FTO: variants seen among roughly 807,000 people sequenced by gnomAD.
The protein encoded by FTO is FTO alpha-ketoglutarate dependent dioxygenase.
A neutral mutation model predicts 63.9 loss-of-function variants in FTO; 47 were observed. The observed-to-expected ratio is 0.74, with a 90% CI of 0.58 to 0.94. The LOEUF (loss-of-function observed/expected upper bound fraction) is 0.94, where lower values mean the gene tolerates loss of function less well. FTO is among the 40% of genes least tolerant of loss of function. The probability of loss-of-function intolerance (pLI) is 0.00; values close to 1 mark genes in which losing one functional copy is unlikely to be tolerated. For synonymous variants in FTO, 207 were observed against 224.4 expected (o/e 0.92, Z 0.69); for missense variants, 562 against 618.1 (o/e 0.91, Z 0.96).
rs2086944497 is a variant in FTO at position 54,113,988 on chromosome 16, A to G, written c.*2073A>G. ...ACGCCCAGCTAATTTTTGTATTTTT[A>G]GCAGAGATGGGGTTTCACCACATTG... is the stretch of plus-strand genomic sequence containing the variant. On this transcript the variant is annotated 3_prime_UTR_variant, in exon 9 of 9. Coordinates refer to ENST00000471389, the MANE Select transcript of FTO (RefSeq NM_001080432.3). The G allele has an allele frequency of 2.0e-5, 3 of 151,998 alleles. No individual in the cohort carries two copies. The highest frequency in any genetic ancestry group is 2.0e-4 in the Admixed American group (3 of 15,260). The allele number at this position is 151,998 out of a possible 1,614,324, so 9.4% of individuals were successfully genotyped here.
At chr16:53,933,941 A>T (rs1481644524) in intron 7 of FTO, 44 bp from the exon 8 acceptor site, 3 of 1,595,484 alleles carry the variant, frequency 1.9e-6, no homozygotes, top group Non-Finnish European at 8.6e-7. Flanking sequence ...TTTTATTATT[A>T]ATTTTTCACT....
At chr16:53,724,473 G>C (rs945889362) in intron 1 of FTO, among the ~76,000 whole-genome samples, 15 of 152,208 alleles carry the variant, frequency 9.9e-5, no homozygotes, top group Non-Finnish European at 4.4e-5. Flanking sequence ...ACTAAATACT[G>C]TCTCTGATGG....
intron 8 of FTO, among the ~76,000 whole-genome samples, chr16:54,021,779 C>T (rs551914294): frequency 3.7e-4 from 57 of 152,152 alleles, no homozygotes; most frequent in African/African-American, 1.3e-3. Context: ...TGAGCCACCG[C>T]GCCTGGCTTG....
intron 4 of FTO, among the ~76,000 whole-genome samples, chr16:53,860,133 A>G (rs1441403565): frequency 6.6e-6 from 1 of 152,030 alleles, no homozygotes; most frequent in Non-Finnish European, 1.5e-5. Context: ...ACACATAATG[A>G]AATATTACTC....
chr16:53,934,171 G>A, intron 8 of FTO, 62 bp downstream of exon 8: 3 of 1,585,334 alleles, frequency 1.9e-6, no homozygotes, highest in Non-Finnish European at 2.6e-6. Flanking sequence ...ATTTGGCCAA[G>A]CCCTTCCTTA....
intron 8 of FTO, among the ~76,000 whole-genome samples, chr16:54,024,539 T>C (rs2084673406): frequency 6.6e-6 from 1 of 152,152 alleles, no homozygotes; most frequent in African/African-American, 2.4e-5. Context: ...TGGCTGGTTT[T>C]ATGTTAGTTT....
intron 1 of FTO, among the ~76,000 whole-genome samples, chr16:53,752,607 T>C (rs892689364): frequency 6.6e-6 from 1 of 152,214 alleles, no homozygotes; most frequent in Non-Finnish European, 1.5e-5. Flanking sequence ...GCATATCTTT[T>C]TGCATACTTC....
chr16:53,912,316 T>A (rs139892594), intron 7 of FTO, among the ~76,000 whole-genome samples: 465 of 152,340 alleles, frequency 3.1e-3, no homozygotes, highest in Non-Finnish European at 5.0e-3. Context: ...TGCTAATCAC[T>A]TGCTGGTATC....
At chr16:53,725,337 G>A (rs1171046255) in intron 1 of FTO, among the ~76,000 whole-genome samples, 1 of 152,204 alleles carries the variant, frequency 6.6e-6, no homozygotes, top group African/African-American at 2.4e-5. Context: ...GCTGGAAAGA[G>A]AAGTCACTTC....
intron 8 of FTO, among the ~76,000 whole-genome samples, chr16:53,939,782 C>T (rs2082484113): frequency 6.6e-6 from 1 of 152,158 alleles, no homozygotes; most frequent in African/African-American, 2.4e-5. Context: ...CATGTTATAG[C>T]ATATAAGTAC....
chr16:53,908,672 G>C (rs570893628), intron 7 of FTO, among the ~76,000 whole-genome samples: 11 of 152,316 alleles, frequency 7.2e-5, no homozygotes, highest in African/African-American at 2.6e-4. Flanking sequence ...AATGTGGACA[G>C]TGGGTTTGGA....
At chr16:53,757,111 C>T (rs548392989) in intron 1 of FTO, among the ~76,000 whole-genome samples, 33 of 151,980 alleles carry the variant, frequency 2.2e-4, no homozygotes, top group African/African-American at 5.1e-4. Flanking sequence ...TTTAAAAATA[C>T]GACAAAAATT....
intron 1 of FTO, among the ~76,000 whole-genome samples, chr16:53,771,330 A>G (rs1438396653): frequency 6.6e-6 from 1 of 152,176 alleles, no homozygotes; most frequent in African/African-American, 2.4e-5. Flanking sequence ...CATTTCACCC[A>G]TCAGCAAATT....
intron 8 of FTO, among the ~76,000 whole-genome samples, chr16:54,016,145 C>A (rs1168411244): frequency 1.3e-5 from 2 of 152,112 alleles, no homozygotes; most frequent in African/African-American, 2.4e-5. Flanking sequence ...AGTAACACTT[C>A]CCAAATGTTA....
intron 8 of FTO, among the ~76,000 whole-genome samples, chr16:53,957,176 A>C (rs1599085054): frequency 6.6e-6 from 1 of 152,182 alleles, no homozygotes; most frequent in South Asian, 2.1e-4. Context: ...CATTTCTGAC[A>C]GACGTGTAAA....
At chr16:53,999,564 C>T (rs2084020895) in intron 8 of FTO, 1 of 152,172 alleles carries the variant, frequency 6.6e-6, no homozygotes, top group Non-Finnish European at 1.5e-5. Context: ...TGGTGGGTTT[C>T]TCAGAATGTG....
intron 8 of FTO, among the ~76,000 whole-genome samples, chr16:54,080,953 C>T (rs1029101173): frequency 6.6e-6 from 1 of 152,190 alleles, no homozygotes; most frequent in South Asian, 2.1e-4. Flanking sequence ...CCTGTTAAGG[C>T]AGGATGTAGT....
intron 8 of FTO, among the ~76,000 whole-genome samples, chr16:54,062,594 T>C (rs2085608375): frequency 6.6e-6 from 1 of 152,056 alleles, no homozygotes; most frequent in Non-Finnish European, 1.5e-5. Context: ...TCTGAACCCA[T>C]CATTAGCCAG....
chr16:53,938,671 T>G (rs930778450), intron 8 of FTO, among the ~76,000 whole-genome samples: 3 of 152,214 alleles, frequency 2.0e-5, no homozygotes, highest in Non-Finnish European at 4.4e-5. Flanking sequence ...AGAAAGAGGC[T>G]GTGGAAGGCA....
Sources: allele counts gnomAD v4.1 joint callset (sites outside exome capture counted in the v4.1 genomes callset), GRCh38; gene constraint gnomAD v4.1.1; transcripts MANE v1.5; gene names NCBI Gene and HGNC (gene_info 2026-07-23, HGNC 2026-07-21).